The following FER variants were observed in gnomAD, a reference collection of about 807,000 sequenced individuals.
FER encodes the protein FER tyrosine kinase, also known as tyrosine-protein kinase Fer.
Under a neutral mutation model 111.0 loss-of-function variants are expected in FER, and 63 were observed. The ratio of observed to expected loss-of-function variants is 0.57; its 90% CI spans 0.46 to 0.70. FER has a LOEUF of 0.70. FER is among the 30% of genes least tolerant of loss of function. FER has a pLI of 0.00. For synonymous variants in FER, 327 were observed against 313.9 expected, an observed-to-expected ratio of 1.04 and a Z score of -0.44; for missense variants, 914 against 954.0, an observed-to-expected ratio of 0.96 and a Z score of 0.55.
chr5:109,118,278 C>T (rs1383874503), intron 17 of FER, among the ~76,000 whole-genome samples: 3 of 152,184 alleles, frequency 2.0e-5, no homozygotes, highest in Admixed American at 6.5e-5. Context: ...TGGTTTTTGT[C>T]GTTGGTTCTG....
intron 16 of FER, among the ~76,000 whole-genome samples, chr5:109,066,072 CAT>C (rs1247171443): frequency 6.6e-6 from 1 of 152,128 alleles, no homozygotes; most frequent in African/African-American, 2.4e-5. Flanking sequence ...TAAGAGATTA[CAT>C]ATATTAAATA....
At chr5:109,086,769 C>T (rs556660866) in intron 16 of FER, among the ~76,000 whole-genome samples, 7 of 151,208 alleles carry the variant, frequency 4.6e-5, no homozygotes, top group African/African-American at 1.7e-4. Context: ...TCTTTTCTTT[C>T]CATGATATAT....
At chr5:108,916,685 T>G (rs1348745131) in intron 10 of FER, among the ~76,000 whole-genome samples, 1 of 152,170 alleles carries the variant, frequency 6.6e-6, no homozygotes, top group Admixed American at 6.5e-5. Context: ...TTCATAGTCT[T>G]TGCTATTTAT....
In FER at chr5:108,985,213, A is replaced by G. The variant is rs556291477; in HGVS notation, c.1656+25866A>G. Among the ~76,000 whole-genome samples the G allele has an allele frequency of 5.6e-4, 86 of 152,310 alleles. 1 individual carries two copies. Among genetic ancestry groups the G allele is most frequent in the African/African-American group, 1.8e-3 (76 of 41,588 alleles). ...TTAAAAATAAATGTAAAGTATGACA[A>G]TTCAATGTAACCATATGTACAAATA... is the stretch of plus-strand genomic sequence containing the variant. On this transcript the variant is annotated intron_variant, in intron 13 of 19. Transcript: ENST00000281092.
chr5:108,876,296 T>G (rs967987498), intron 8 of FER, among the ~76,000 whole-genome samples: 1 of 152,234 alleles, frequency 6.6e-6, no homozygotes, highest in Non-Finnish European at 1.5e-5. Flanking sequence ...TAAAGTTTTA[T>G]TGGAACACAG....
intron 1 of FER, among the ~76,000 whole-genome samples, chr5:108,758,589 T>C (rs1433772681): frequency 1.3e-5 from 2 of 152,204 alleles, no homozygotes; most frequent in Non-Finnish European, 2.9e-5. Context: ...GACTTCTGTT[T>C]TCCTTAGTTC....
rs956128620 is a variant in FER at position 109,190,632 on chromosome 5, A to G, written c.*3057A>G. On this transcript the variant is annotated 3_prime_UTR_variant, in exon 20 of 20. Transcript: ENST00000281092. The stretch of plus-strand genomic sequence containing the variant: ...ATTCTTTCTCTTCTGGGAAAATAAA[A>G]TTGACAGGTTTTGTTTAAACTTCAG... 9 of 152,206 alleles carry G rather than the reference A, an allele frequency of 5.9e-5. No individual in the cohort carries two copies. In the East Asian group the frequency reaches 1.7e-3, roughly 29 times the overall value. The allele number at this position is 152,206 out of a possible 1,614,324, so 9.4% of individuals were successfully genotyped here. A position where few individuals can be genotyped will look rare whatever the true frequency, so the allele number is the denominator to read the frequency against.
chr5:108,756,509 A>T (rs1488873992), intron 1 of FER, among the ~76,000 whole-genome samples: 4 of 152,040 alleles, frequency 2.6e-5, no homozygotes, highest in Non-Finnish European at 5.9e-5. Context: ...TACTTTTAAT[A>T]TATTTAATAA....
intron 17 of FER, among the ~76,000 whole-genome samples, chr5:109,134,921 A>G (rs1475900879): frequency 2.0e-5 from 3 of 152,222 alleles, no homozygotes; most frequent in Admixed American, 6.5e-5. Flanking sequence ...TTTAAACAGC[A>G]GATGTGTCTC....
chr5:108,759,641 C>G (rs1751498224), intron 1 of FER, among the ~76,000 whole-genome samples: 1 of 152,194 alleles, frequency 6.6e-6, no homozygotes, highest in Non-Finnish European at 1.5e-5. Context: ...CTCATGAGGG[C>G]CTTCTTGCTG....
At chr5:109,020,372 C>G (rs1023955516) in intron 13 of FER, among the ~76,000 whole-genome samples, 1 of 151,840 alleles carries the variant, frequency 6.6e-6, no homozygotes, top group Non-Finnish European at 1.5e-5. Flanking sequence ...TACCACAGTT[C>G]TAGAAATAAG....
intron 6 of FER, 37 bp downstream of exon 6, chr5:108,867,987 A>G (rs767957404): frequency 7.7e-6 from 12 of 1,566,750 alleles, no homozygotes; most frequent in Middle Eastern, 1.7e-4. Flanking sequence ...AAATCCCTTC[A>G]CAAAATGATT....
At chr5:108,908,751 A>G (rs1321596652) in intron 10 of FER, among the ~76,000 whole-genome samples, 1 of 151,996 alleles carries the variant, frequency 6.6e-6, no homozygotes, top group Non-Finnish European at 1.5e-5. Flanking sequence ...TTTATATTTG[A>G]AGGCCAGGTG....
chr5:108,952,320 C>CT (rs1757865859), intron 11 of FER, among the ~76,000 whole-genome samples: 2 of 139,804 alleles, frequency 1.4e-5, no homozygotes, highest in East Asian at 4.3e-4. Context: ...TTTGCTGATG[C>CT]ATCCTACATA....
At chr5:109,015,679 G>A (rs1288600752) in intron 13 of FER, among the ~76,000 whole-genome samples, 1 of 151,984 alleles carries the variant, frequency 6.6e-6, no homozygotes, top group Non-Finnish European at 1.5e-5. Flanking sequence ...GCAGGAGACA[G>A]CATTATATAT....
At chr5:109,136,640 T>A (rs187701136) in intron 17 of FER, among the ~76,000 whole-genome samples, 1 of 152,334 alleles carries the variant, frequency 6.6e-6, no homozygotes, top group Admixed American at 6.5e-5. Flanking sequence ...AGTGAGGTAA[T>A]TATCACCATT....
intron 14 of FER, among the ~76,000 whole-genome samples, chr5:109,044,310 C>G (rs1771629082): frequency 6.6e-6 from 1 of 151,770 alleles, no homozygotes; most frequent in Non-Finnish European, 1.5e-5. Flanking sequence ...TCCCAAGTAG[C>G]TGGGACTACA....
intron 2 of FER, among the ~76,000 whole-genome samples, chr5:108,773,444 G>GTATTTGGTT (rs1339724721): frequency 3.3e-5 from 5 of 152,036 alleles, no homozygotes. Flanking sequence ...AGAACATGTG[G>GTATTTGGTT]TATTTGGTTT....
At chr5:108,958,194 A>G (rs1263892563) in intron 12 of FER, among the ~76,000 whole-genome samples, 5 of 151,612 alleles carry the variant, frequency 3.3e-5, no homozygotes, top group African/African-American at 7.2e-5. Flanking sequence ...TTTTTATTTT[A>G]TAGTATGGAA....
Sources: gnomAD v4.1 joint callset for allele counts (sites outside exome capture counted in the v4.1 genomes callset) on GRCh38, gnomAD v4.1.1 for gene constraint, MANE v1.5 for transcripts, NCBI Gene and HGNC (gene_info 2026-07-23, HGNC 2026-07-21) for gene names.